ANKRD30BL: variants seen among roughly 807,000 people sequenced by gnomAD.
ANKRD30BL encodes putative ankyrin repeat domain-containing protein 30B-like.
Under a neutral mutation model 18.4 loss-of-function variants are expected in ANKRD30BL, and 20 were observed. The observed-to-expected ratio is 1.09, with a 90% CI of 0.77 to 1.58. The LOEUF (loss-of-function observed/expected upper bound fraction) is 1.58. Ranked by LOEUF, ANKRD30BL falls within the 40% of genes most tolerant of loss-of-function variation. ANKRD30BL has a pLI of 0.00. For synonymous variants in ANKRD30BL, 72 were observed against 100.9 expected (o/e 0.71, Z 1.72); for missense variants, 224 against 268.6 (o/e 0.83, Z 1.16).
chr2:132,222,083 G>T (rs1272630384), intron 1 of ANKRD30BL, among the ~76,000 whole-genome samples: 1 of 146,244 alleles, frequency 6.8e-6, no homozygotes, highest in Non-Finnish European at 1.5e-5. Flanking sequence ...CGGGAGGGAG[G>T]TCGGGGGGTC....
intron 1 of ANKRD30BL, among the ~76,000 whole-genome samples, chr2:132,246,805 A>C (rs1680511585): frequency 6.6e-6 from 1 of 151,798 alleles, no homozygotes; most frequent in Admixed American, 6.6e-5. Context: ...AAAAGGAAAT[A>C]TCTTCCAATA....
rs188524621 is a variant in ANKRD30BL, at chr2:132,181,985, C to A, written n.442-24839G>T. On this transcript the variant is annotated intron_variant and non_coding_transcript_variant, in intron 1 of 4. Coordinates refer to the ANKRD30BL transcript ENST00000470729. Reference sequence around the variant, plus strand: ...AATTAGCCGGGCGTGGTGGTGCATGCCTGTAATCCCAGCTACTCTGGAGGC... The same window carrying A: ...AATTAGCCGGGCGTGGTGGTGCATGACTGTAATCCCAGCTACTCTGGAGGC... 1.1e-3 allele frequency among the ~76,000 whole-genome samples: 162 copies of A among 152,068 alleles called. 1 individual carries two copies. Among genetic ancestry groups the A allele is most frequent in the Non-Finnish European group, 2.1e-4 (14 of 67,986 alleles).
chr2:132,173,477 T>C (rs1688315503), intron 1 of ANKRD30BL, among the ~76,000 whole-genome samples: 1 of 151,932 alleles, frequency 6.6e-6, no homozygotes, highest in African/African-American at 2.4e-5. Flanking sequence ...TTTTGTACTT[T>C]TAGTAAAGAC....
intron 1 of ANKRD30BL, among the ~76,000 whole-genome samples, chr2:132,218,096 CT>C (rs1367306018): frequency 6.6e-6 from 1 of 151,798 alleles, no homozygotes; most frequent in East Asian, 1.9e-4. Flanking sequence ...AGTTTGAGGT[CT>C]TCATTGGAAA....
intron 5 of ANKRD30BL, among the ~76,000 whole-genome samples, 169 bp from the exon 6 acceptor site, chr2:132,148,397 C>T (rs1340061008): frequency 1.8e-5 from 2 of 110,578 alleles, no homozygotes; most frequent in Admixed American, 1.3e-4. Context: ...ACAAGAGCCT[C>T]GCTCTGTTGC....
At chr2:132,202,513 A>G (rs1396949324) in intron 1 of ANKRD30BL, among the ~76,000 whole-genome samples, 1 of 151,938 alleles carries the variant, frequency 6.6e-6, no homozygotes, top group Admixed American at 6.6e-5. Context: ...AAATTTCAAA[A>G]AAATAAAACC....
At chr2:132,218,716 T>A (rs1679582574) in intron 1 of ANKRD30BL, among the ~76,000 whole-genome samples, 1 of 151,834 alleles carries the variant, frequency 6.6e-6, no homozygotes, top group African/African-American at 2.4e-5. Context: ...TACCTTATCA[T>A]AGAGCAGTTT....
chr2:132,254,692 C>T (rs1314642160), intron 1 of ANKRD30BL, among the ~76,000 whole-genome samples: 4 of 152,210 alleles, frequency 2.6e-5, no homozygotes, highest in Non-Finnish European at 5.9e-5. Flanking sequence ...CGCGTGCAGC[C>T]CTGGACATTT....
upstream of ANKRD30BL, among the ~76,000 whole-genome samples, chr2:132,164,400 C>T (rs1688150122): frequency 6.6e-6 from 1 of 151,494 alleles, no homozygotes; most frequent in Non-Finnish European, 1.5e-5. Flanking sequence ...AAGCGATTCT[C>T]CTGCCTCAGC....
intron 1 of ANKRD30BL, among the ~76,000 whole-genome samples, chr2:132,232,570 GA>G (rs767695381): frequency 6.6e-6 from 1 of 152,064 alleles, no homozygotes; most frequent in African/African-American, 2.4e-5. Flanking sequence ...CAATCAACTG[GA>G]AAAAAGGGTA....
At chr2:132,161,322 C>T (rs796893386) in intron 1 of ANKRD30BL, among the ~76,000 whole-genome samples, 166 bp downstream of exon 1, 2 of 152,084 alleles carry the variant, frequency 1.3e-5, no homozygotes, top group African/African-American at 2.4e-5. Flanking sequence ...GGGGACCTGC[C>T]CGGGAAGAAG....
At chr2:132,252,653 C>T (rs34344452) in intron 1 of ANKRD30BL, among the ~76,000 whole-genome samples, 11 of 152,184 alleles carry the variant, frequency 7.2e-5, no homozygotes, top group African/African-American at 1.2e-4. Context: ...GGGTGGACGG[C>T]GAACTGCGGC....
intron 1 of ANKRD30BL, among the ~76,000 whole-genome samples, chr2:132,185,987 A>G (rs1688553426): frequency 6.6e-6 from 1 of 152,088 alleles, no homozygotes; most frequent in African/African-American, 2.4e-5. Context: ...CTAAAAATAC[A>G]AAAATTAACC....
At chr2:132,221,649 T>G (rs1429296342) in intron 1 of ANKRD30BL, among the ~76,000 whole-genome samples, 152 of 46,642 alleles carry the variant, frequency 3.3e-3, no homozygotes, top group African/African-American at 6.7e-3. Flanking sequence ...AGGTGGGGGG[T>G]TCAGCCCCCC....
At position 132,161,894 on chromosome 2, in the gene ANKRD30BL, G is replaced by C. The variant is rs1460436714; in HGVS notation, c.-189C>G. 6.6e-5 allele frequency: 37 copies of C among 558,200 alleles called. No homozygotes were observed. Among genetic ancestry groups the C allele is most frequent in the South Asian group, 2.1e-5 (1 of 48,430 alleles). 34.6% of individuals were successfully genotyped at this position (558,200 alleles called of 1,614,324 possible). Reference sequence around the variant, plus strand: ...AATGGCTGCGCAAAACCGTTAGGCAGCTGAGCAGAACCGTTAGGCACCTGA... The same window carrying C: ...AATGGCTGCGCAAAACCGTTAGGCACCTGAGCAGAACCGTTAGGCACCTGA... On this transcript the variant is annotated 5_prime_UTR_variant, in exon 1 of 6. Transcript: ENST00000409867.
At chr2:132,220,870 G>C (rs1296595845) in intron 1 of ANKRD30BL, among the ~76,000 whole-genome samples, 1 of 150,670 alleles carries the variant, frequency 6.6e-6, no homozygotes, top group African/African-American at 2.4e-5. Context: ...GCCCAGTCTG[G>C]AAAGTCAGGA....
chr2:132,169,721 A>C (rs1688246715), intron 1 of ANKRD30BL, among the ~76,000 whole-genome samples: 1 of 151,822 alleles, frequency 6.6e-6, no homozygotes, highest in African/African-American at 2.4e-5. Context: ...TAGAGACTGT[A>C]ATAGGAAATT....
intron 1 of ANKRD30BL, among the ~76,000 whole-genome samples, chr2:132,247,525 G>C (rs557307685): frequency 6.6e-6 from 1 of 151,780 alleles, no homozygotes; most frequent in Non-Finnish European, 1.5e-5. Flanking sequence ...GTTCAAATCC[G>C]TGTGATGAAT....
chr2:132,154,874 C>A (rs984153063), intron 3 of ANKRD30BL, 106 bp from the exon 4 acceptor site: 71 of 520,966 alleles, frequency 1.4e-4, no homozygotes, highest in Non-Finnish European at 2.3e-4. Context: ...GAAAGTAAAT[C>A]AATAGCAATC....
Sources: allele counts gnomAD v4.1 joint callset (sites outside exome capture counted in the v4.1 genomes callset), GRCh38; gene constraint gnomAD v4.1.1; transcripts MANE v1.5; gene names NCBI Gene and HGNC (gene_info 2026-07-23, HGNC 2026-07-21).